The following GABBR2 variants were observed in gnomAD, a reference collection of about 807,000 sequenced individuals.
GABBR2 encodes the protein G-protein coupled receptor 51.
A neutral mutation model predicts 105.6 loss-of-function variants in GABBR2; 23 were observed. The ratio of observed to expected loss-of-function variants is 0.22; its 90% CI spans 0.16 to 0.31. The LOEUF is 0.31. Among genes scored for constraint, GABBR2 ranks in the 10% least tolerant of loss-of-function variants. GABBR2 has a pLI of 1.00. For synonymous variants in GABBR2, 478 were observed against 499.7 expected (o/e 0.96, Z 0.58); for missense variants, 734 against 1,245.5 (o/e 0.59, Z 6.18).
chr9:98,354,275 T>C (rs1277527213), intron 13 of GABBR2, among the ~76,000 whole-genome samples: 1 of 152,242 alleles, frequency 6.6e-6, no homozygotes, highest in African/African-American at 2.4e-5. Context: ...GCACAATTCT[T>C]CAGGGCCCTA....
At chr9:98,392,811 G>C (rs1000931737) in intron 9 of GABBR2, among the ~76,000 whole-genome samples, 1 of 151,902 alleles carries the variant, frequency 6.6e-6, no homozygotes, top group Non-Finnish European at 1.5e-5. Flanking sequence ...TCCATCCACT[G>C]TCCATCTGTC....
At position 98,299,225 on chromosome 9, in the gene GABBR2, T is replaced by G. The variant is rs1830429537; in HGVS notation, c.2541A>C (p.Thr847=). Residue 847 remains threonine, a splice_region_variant and synonymous_variant, in exon 17 of 19, where the codon ACA becomes ACC. Coordinates refer to ENST00000259455, the MANE Select transcript of GABBR2 (RefSeq NM_005458.8). ...ATTCTGGGGCCCTGGCTCTCTTACC[T>G]GTGCTCTCAGTGAAGTTTCCCAGGT... The part of the protein sequence containing the change: ...ILNLGNFTES[T]DGGKAILKNH... 5 of 1,613,892 alleles carry G rather than the reference T, an allele frequency of 3.1e-6. No homozygotes were observed. The highest frequency in any genetic ancestry group is 3.4e-6 in the Non-Finnish European group (4 of 1,179,860).
At chr9:98,648,116 TATAGATAG>T (rs1554723458) in intron 1 of GABBR2, among the ~76,000 whole-genome samples, 6 of 55,948 alleles carry the variant, frequency 1.1e-4, no homozygotes, top group Admixed American at 2.1e-4. Flanking sequence ...TGTGTGTGTG[TATAGATAG>T]ATAGATAGAT....
chr9:98,646,654 GT>G (rs1830031795), intron 1 of GABBR2, among the ~76,000 whole-genome samples: 1 of 152,216 alleles, frequency 6.6e-6, no homozygotes, highest in African/African-American at 2.4e-5. Flanking sequence ...ATCATAGGAA[GT>G]CTTCGTTCAG....
intron 14 of GABBR2, among the ~76,000 whole-genome samples, chr9:98,309,451 T>C (rs569569357): frequency 1.3e-5 from 2 of 152,382 alleles, no homozygotes; most frequent in South Asian, 4.1e-4. Flanking sequence ...GCACAGGTCA[T>C]TGACATGACA....
At position 98,388,569 on chromosome 9, in the gene GABBR2, C is replaced by A. The variant is rs1430931979; in HGVS notation, c.1529+285G>T. Among the ~76,000 whole-genome samples the A allele has an allele frequency of 1.3e-5, 2 of 151,768 alleles. No individual in the cohort carries two copies. The highest frequency in any genetic ancestry group is 3.9e-4 in the East Asian group (2 of 5,146). On this transcript the variant is annotated intron_variant, in intron 10 of 18. Coordinates refer to ENST00000259455, the MANE Select transcript of GABBR2 (RefSeq NM_005458.8). The surrounding 1 kb of genome is among the most constrained non-coding windows in gnomAD (Gnocchi z 4.4). ...ACTTGGACTCTTCGATTTTATTTAA[C>A]TTCCTCAAACTTATTTGACTAAACT...
intron 3 of GABBR2, among the ~76,000 whole-genome samples, chr9:98,508,444 G>A (rs908232613): frequency 6.6e-5 from 10 of 152,350 alleles, no homozygotes; most frequent in South Asian, 2.1e-4. Flanking sequence ...CGCACCGTGC[G>A]CGAGCCAAAG....
intron 1 of GABBR2, among the ~76,000 whole-genome samples, chr9:98,700,608 T>C (rs1830817374): frequency 6.6e-6 from 1 of 152,122 alleles, no homozygotes; most frequent in South Asian, 2.1e-4. Flanking sequence ...GCTTCCAAGA[T>C]CTCTTATGCT....
In GABBR2 at chr9:98,607,440, C is replaced by T. The variant is rs1371771467; in HGVS notation, c.322-29368G>A. ...CACACTCACACCAGAGGAATGCTAACAGTTTAAAAAACAGATAATGAAAGA... is the reference window on the plus strand; with the variant it reads ...CACACTCACACCAGAGGAATGCTAATAGTTTAAAAAACAGATAATGAAAGA... On this transcript the variant is annotated intron_variant, in intron 1 of 18. Coordinates refer to ENST00000259455, the MANE Select transcript of GABBR2 (RefSeq NM_005458.8). The T allele has an allele frequency of 2.3e-5, 14 of 598,484 alleles. No individual in the cohort carries two copies. The East Asian group carries it at 4.0e-4, about 17-fold the overall frequency. The allele number at this position is 598,484 out of a possible 1,614,324, so 37.1% of individuals were successfully genotyped here. A position where few individuals can be genotyped will look rare whatever the true frequency, so the allele number is the denominator to read the frequency against.
intron 1 of GABBR2, among the ~76,000 whole-genome samples, chr9:98,591,196 C>T (rs757673340): frequency 2.6e-4 from 39 of 152,120 alleles, no homozygotes; most frequent in East Asian, 1.3e-3. Context: ...CTGAGCCTTG[C>T]GAGAGGAACA....
chr9:98,625,114 T>C (rs748753908), intron 1 of GABBR2, among the ~76,000 whole-genome samples: 14 of 152,182 alleles, frequency 9.2e-5, no homozygotes, highest in Admixed American at 7.2e-4. Context: ...TACATACTCC[T>C]GGATGATGTG....
intron 1 of GABBR2, among the ~76,000 whole-genome samples, chr9:98,694,224 A>AC (rs1319998654): frequency 6.6e-6 from 1 of 152,060 alleles, no homozygotes; most frequent in Non-Finnish European, 1.5e-5. Flanking sequence ...CCAACTAGCA[A>AC]CCCCCCATGA....
At chr9:98,580,273 CA>C (rs1254345333) in intron 1 of GABBR2, among the ~76,000 whole-genome samples, 1 of 152,150 alleles carries the variant, frequency 6.6e-6, no homozygotes, top group Non-Finnish European at 1.5e-5. Context: ...TCACCCTCCC[CA>C]AAATATTTCC....
At chr9:98,384,208 A>T (rs1176330886) in intron 11 of GABBR2, among the ~76,000 whole-genome samples, 1 of 152,216 alleles carries the variant, frequency 6.6e-6, no homozygotes, top group Non-Finnish European at 1.5e-5. Flanking sequence ...ATTTGGACAG[A>T]TCATAGTCAA....
chr9:98,570,055 TCAAGTC>T (rs1828806056), intron 2 of GABBR2, among the ~76,000 whole-genome samples: 1 of 152,204 alleles, frequency 6.6e-6, no homozygotes, highest in East Asian at 1.9e-4. Flanking sequence ...TTTTCAGAAA[TCAAGTC>T]CTAAACGTAT....
chr9:98,412,976 T>C (rs928517595), intron 7 of GABBR2, among the ~76,000 whole-genome samples: 53 of 152,334 alleles, frequency 3.5e-4, no homozygotes, highest in African/African-American at 1.2e-3. Context: ...AGCATAAAAA[T>C]AGACAATTTC....
chr9:98,299,513 G>T (rs182042461), intron 16 of GABBR2, among the ~76,000 whole-genome samples, 160 bp from the exon 17 acceptor site: 8 of 152,348 alleles, frequency 5.3e-5, no homozygotes, highest in Non-Finnish European at 5.9e-5. Context: ...AGATGCAGAA[G>T]GATCCTGGCG....
chr9:98,437,916 A>G (rs75228671), intron 7 of GABBR2, among the ~76,000 whole-genome samples: 9,885 of 148,864 alleles, frequency 0.066, 394 homozygotes, highest in South Asian at 0.14. Context: ...CACCACCCAC[A>G]TACCCATCCA....
chr9:98,410,611 G>T (rs951415245), intron 7 of GABBR2, among the ~76,000 whole-genome samples: 1 of 150,724 alleles, frequency 6.6e-6, no homozygotes, highest in African/African-American at 2.5e-5. Context: ...CTGAACCGTT[G>T]GAGTGTGGGG....
Sources: allele counts gnomAD v4.1 joint callset (sites outside exome capture counted in the v4.1 genomes callset), GRCh38; gene constraint gnomAD v4.1.1; non-coding constraint Gnocchi (gnomAD v3.1); transcripts MANE v1.5; gene names NCBI Gene and HGNC (gene_info 2026-07-23, HGNC 2026-07-21).